Variants in MAIP1 observed in about 807,000 individuals in gnomAD.
The protein encoded by MAIP1 is matrix AAA peptidase interacting protein 1.
Under a neutral mutation model 31.2 loss-of-function variants are expected in MAIP1, and 28 were observed. The ratio of observed to expected loss-of-function variants is 0.90; its 90% CI spans 0.67 to 1.23. The LOEUF (loss-of-function observed/expected upper bound fraction) is 1.23. Ranked by LOEUF, MAIP1 falls within the 50% of genes most tolerant of loss-of-function variation. MAIP1 has a pLI of 0.00. For missense variants in MAIP1, 339 were observed against 356.0 expected (o/e 0.95, Z 0.38); for synonymous variants, 142 against 142.3 (o/e 1.00, Z 0.02).
chr2:199,963,834 T>C lies in MAIP1; in HGVS notation c.*23T>C. The C allele has an allele frequency of 1.3e-6, 2 of 1,522,320 alleles. No individual in the cohort carries two copies. The highest frequency in any genetic ancestry group is 1.1e-5 in the South Asian group (1 of 87,600). The allele number at this position is 1,522,320 out of a possible 1,614,324, so 94.3% of individuals were successfully genotyped here. On this transcript the variant is annotated 3_prime_UTR_variant, in exon 5 of 5. Transcript: ENST00000392290. ...TAATTTTCTTGGAAAAATCAGCTTA[T>C]GGACTTTAGCAGTTGCTGTGAAAAA...
chr2:199,957,379 G>A (rs1024984921), intron 1 of MAIP1, among the ~76,000 whole-genome samples: 1 of 152,148 alleles, frequency 6.6e-6, no homozygotes, highest in Admixed American at 6.5e-5. Flanking sequence ...GTGACAGAGC[G>A]AGACTCCGTC....
Position 199,961,916 on chromosome 2 carries a change from G to T in MAIP1, c.785G>T (p.Ser262Ile). The change falls in exon 4 of 5, where the codon AGT becomes ATT. Residue 262 changes from serine (S) to isoleucine (I), a missense_variant. Physicochemically the swap from Ser to Ile is moderately radical, Grantham distance 142. Transcript: ENST00000392290. Reference protein sequence around the residue: ...NQNVETKQLLSASYEFQREFT... With the variant: ...NQNVETKQLLIASYEFQREFT... Reference sequence around the variant, plus strand: ...AATGTGGAAACTAAACAACTTCTTAGTGCAAGCTATGAGTAAGTTTAATCA... The same window carrying T: ...AATGTGGAAACTAAACAACTTCTTATTGCAAGCTATGAGTAAGTTTAATCA... 6.2e-7 allele frequency: 1 copy of T among 1,612,784 alleles called. No individual in the cohort carries two copies. The highest frequency in any genetic ancestry group is 1.1e-5 in the South Asian group (1 of 90,632).
At position 199,955,610 on chromosome 2, in the gene MAIP1, G is replaced by A; in HGVS notation, c.-189G>A. 1 of 1,261,448 alleles carries A rather than the reference G, an allele frequency of 7.9e-7. No homozygotes were observed. The highest frequency in any genetic ancestry group is 1.1e-6 in the Non-Finnish European group (1 of 925,794). The allele number at this position is 1,261,448 out of a possible 1,614,324, so 78.1% of individuals were successfully genotyped here. A position where few individuals can be genotyped will look rare whatever the true frequency, so the allele number is the denominator to read the frequency against. ...CTCCAGAGTGGCTGGGTCCGAGCGC[G>A]GGGCGGGTTGCCGAAGGGCCTCGGC... On this transcript the variant is annotated 5_prime_UTR_variant, in exon 1 of 5. Transcript: ENST00000392290.
At chr2:199,955,349 C>G, upstream of MAIP1, 1 of 1,601,414 alleles carries the variant, frequency 6.2e-7, no homozygotes, top group Non-Finnish European at 8.5e-7. Flanking sequence ...AAAGACGTGT[C>G]TCTCGCTGGT....
At chr2:199,962,107 G>A (rs1472967697) in intron 4 of MAIP1, among the ~76,000 whole-genome samples, 179 bp downstream of exon 4, 5 of 152,310 alleles carry the variant, frequency 3.3e-5, no homozygotes, top group Non-Finnish European at 5.9e-5. Flanking sequence ...ATTAGAAAGA[G>A]GTAAAGTTGC....
chr2:199,956,333 A>G, intron 1 of MAIP1, 85 bp downstream of exon 1: 1 of 1,074,892 alleles, frequency 9.3e-7, no homozygotes, highest in South Asian at 1.4e-5. Context: ...AGTTTTCTTC[A>G]CTGGGATACA....
chr2:199,962,957 A>G (rs1315543387), intron 4 of MAIP1, among the ~76,000 whole-genome samples: 1 of 152,214 alleles, frequency 6.6e-6, no homozygotes, highest in Admixed American at 6.5e-5. Context: ...GCTTCAAAAT[A>G]ACAAACCCCA....
chr2:199,956,211 A>T lies in MAIP1; in HGVS notation c.413A>T (p.Glu138Val), dbSNP rs1278497547. 2 of 1,613,778 alleles carry T rather than the reference A, an allele frequency of 1.2e-6. No homozygotes were observed. Among genetic ancestry groups the T allele is most frequent in the Non-Finnish European group, 1.7e-6 (2 of 1,179,922 alleles). The change falls in exon 1 of 5, where the codon GAG (glutamate) becomes GTG (valine). Residue 138 changes from glutamate to valine, a missense_variant. Physicochemically the swap from Glu to Val is moderately radical, Grantham distance 121 (BLOSUM62 -2). Transcript: ENST00000392290. The stretch of plus-strand genomic sequence containing the variant: ...CTTATCTGGGCCTATTTCGACAAAG[A>T]GTTCAGCATCACAGAGTTCTCCGAG... ...AFLIWAYFDK[E>V]FSITEFSEGA...
chr2:199,956,355 G>GT (rs1179713454), intron 1 of MAIP1, 107 bp downstream of exon 1: 1 of 895,334 alleles, frequency 1.1e-6, no homozygotes, highest in Admixed American at 2.2e-5. Flanking sequence ...GTGATCAAAC[G>GT]TGATTAGTGG....
intron 1 of MAIP1, among the ~76,000 whole-genome samples, chr2:199,956,810 G>A (rs564431669): frequency 6.6e-6 from 1 of 152,230 alleles, no homozygotes; most frequent in African/African-American, 2.4e-5. Context: ...ACTCCGTAAA[G>A]ATTAAACTGG....
In MAIP1 at chr2:199,959,869, A is replaced by C; in HGVS notation, c.638A>C (p.Tyr213Ser). Residue 213 changes from tyrosine to serine, a missense_variant, in exon 3 of 5, where the codon TAT becomes TCT. Transcript: ENST00000392290. ...TCAACAGGAGACATCTCCATTTACT[A>C]TGATGAGAAAGGTAATACCAGAGCA... ...FTSTGDISIY[Y>S]DEKGRKFVNI... 6.2e-7 allele frequency: 1 copy of C among 1,612,200 alleles called. No individual in the cohort carries two copies.
In MAIP1 at chr2:199,956,109, A is replaced by G. The variant is rs769081538; in HGVS notation, c.311A>G (p.Gln104Arg). 2 of 1,614,236 alleles carry G rather than the reference A, an allele frequency of 1.2e-6. No individual in the cohort carries two copies. The highest frequency in any genetic ancestry group is 1.7e-6 in the Non-Finnish European group (2 of 1,180,044). Reference sequence around the variant, plus strand: ...TACAGCACGGAGGAGAAGCCCCAGCAGCACCAGAAAACCAAGATGATCGTC... The same window carrying G: ...TACAGCACGGAGGAGAAGCCCCAGCGGCACCAGAAAACCAAGATGATCGTC... ...RSYSTEEKPQQHQKTKMIVLG... is the reference protein window; with the variant it reads ...RSYSTEEKPQRHQKTKMIVLG... Residue 104 changes from glutamine to arginine, a missense_variant, in exon 1 of 5, where the codon CAG (glutamine) becomes CGG (arginine). By Grantham distance (43) the Gln-to-Arg change is conservative. Transcript: ENST00000392290.
Position 199,956,142 on chromosome 2 carries a change from T to G in MAIP1, c.344T>G (p.Phe115Cys), listed in dbSNP as rs1041347640. 6.2e-7 allele frequency: 1 copy of G among 1,614,090 alleles called. No homozygotes were observed. Among genetic ancestry groups the G allele is most frequent in the African/African-American group, 1.3e-5 (1 of 74,942 alleles). Reference protein sequence around the residue: ...HQKTKMIVLGFSNPINWVRTR... With the variant: ...HQKTKMIVLGCSNPINWVRTR... ...AAAACCAAGATGATCGTCCTGGGATTCTCCAACCCCATCAACTGGGTTAGG... is the reference window on the plus strand; with the variant it reads ...AAAACCAAGATGATCGTCCTGGGATGCTCCAACCCCATCAACTGGGTTAGG... Residue 115 changes from phenylalanine to cysteine, a missense_variant, in exon 1 of 5, where the codon TTC (phenylalanine) becomes TGC (cysteine). By Grantham distance (205) the Phe-to-Cys change is radical. Transcript: ENST00000392290.
intron 1 of MAIP1, among the ~76,000 whole-genome samples, chr2:199,958,428 CAGTT>C (rs1047025083): frequency 2.5e-4 from 38 of 152,314 alleles, no homozygotes; most frequent in Admixed American, 2.6e-4. Flanking sequence ...CATCCTATAA[CAGTT>C]AGGCAGTATT....
At chr2:199,955,490 C>G (rs368330803), upstream of MAIP1, 1 of 1,611,574 alleles carries the variant, frequency 6.2e-7, no homozygotes, top group African/African-American at 1.3e-5. Context: ...CGCCTGCCCT[C>G]TTCCAGGTCT....
rs1574820757 is a variant in MAIP1 at position 199,959,934 on chromosome 2, A to G, written c.649+54A>G. 8 of 1,526,492 alleles carry G rather than the reference A, an allele frequency of 5.2e-6. No homozygotes were observed. The East Asian group carries it at 1.8e-4, about 35-fold the overall frequency. The allele number at this position is 1,526,492 out of a possible 1,614,324, so 94.6% of individuals were successfully genotyped here. A position where few individuals can be genotyped will look rare whatever the true frequency, so the allele number is the denominator to read the frequency against. On this transcript the variant is annotated intron_variant, in intron 3 of 4. Coordinates refer to ENST00000392290, the MANE Select transcript of MAIP1 (RefSeq NM_001394955.1). ...TGATCCATAATTGTCCAGATAAGCT[A>G]AACTAGTGGATAATCACAAAATAGT... is the stretch of plus-strand genomic sequence containing the variant.
In MAIP1 at chr2:199,959,335, A is replaced by G. The variant is rs745337503; in HGVS notation, c.518A>G (p.Lys173Arg). 2.2e-5 allele frequency: 33 copies of G among 1,533,284 alleles called. No individual in the cohort carries two copies. Among genetic ancestry groups the G allele is most frequent in the Non-Finnish European group, 2.9e-5 (32 of 1,107,016 alleles). The allele number at this position is 1,533,284 out of a possible 1,614,324, so 95.0% of individuals were successfully genotyped here. A position where few individuals can be genotyped will look rare whatever the true frequency, so the allele number is the denominator to read the frequency against. ...GATCTGTTGGAAGAACTTGTGGCCA[A>G]AGAGGTAAAGTATATTTTACATTTT... is the stretch of plus-strand genomic sequence containing the variant. ...KFDLLEELVA[K>R]EVLHALKEKV... The change falls in exon 2 of 5, where the codon AAA becomes AGA. Residue 173 changes from lysine (K) to arginine (R), a missense_variant. Transcript: ENST00000392290.
upstream of MAIP1, chr2:199,955,555 G>A: frequency 2.6e-6 from 4 of 1,526,238 alleles, no homozygotes. Context: ...AAACACGAGC[G>A]ACAGAGAAAA....
chr2:199,955,422 C>A (rs768019071), upstream of MAIP1: 22 of 1,613,820 alleles, frequency 1.4e-5, no homozygotes, highest in Non-Finnish European at 5.1e-6. Flanking sequence ...ATGAACTGCT[C>A]CCGAGAAACG....
Sources: gnomAD v4.1 joint callset for allele counts (sites outside exome capture counted in the v4.1 genomes callset) on GRCh38, gnomAD v4.1.1 for gene constraint, MANE v1.5 for transcripts, NCBI Gene and HGNC (gene_info 2026-07-23, HGNC 2026-07-21) for gene names.